The following ST3GAL1 variants were observed in gnomAD, a reference collection of about 807,000 sequenced individuals.
ST3GAL1 encodes ST3 beta-galactoside alpha-2,3-sialyltransferase 1.
In ST3GAL1, 16 loss-of-function variants were observed where a neutral mutation model predicts 34.1. That is an observed-to-expected ratio of 0.47 (90% confidence interval 0.32 to 0.71). The LOEUF (loss-of-function observed/expected upper bound fraction) is 0.71, where lower values mean the gene tolerates loss of function less well. ST3GAL1 is among the 30% of genes least tolerant of loss of function. The pLI, the probability that ST3GAL1 is intolerant of heterozygous loss-of-function variation, is 0.04. For synonymous variants in ST3GAL1, 191 were observed against 184.7 expected, an observed-to-expected ratio of 1.03 and a Z score of -0.28; for missense variants, 353 against 447.4, an observed-to-expected ratio of 0.79 and a Z score of 1.90.
At chr8:133,502,047 T>C (rs1374388036) in intron 2 of ST3GAL1, among the ~76,000 whole-genome samples, 2 of 152,172 alleles carry the variant, frequency 1.3e-5, no homozygotes, top group Non-Finnish European at 2.9e-5. Flanking sequence ...AGCATCCATT[T>C]CCTGGTCACC....
chr8:133,475,609 T>G (rs1036967624), intron 5 of ST3GAL1, 110 bp downstream of exon 5: 36 of 1,316,938 alleles, frequency 2.7e-5, no homozygotes, highest in Non-Finnish European at 3.4e-5. Context: ...GACTCCCACT[T>G]TCAGCCCAGG....
intron 2 of ST3GAL1, among the ~76,000 whole-genome samples, chr8:133,501,608 G>A (rs1011081076): frequency 6.6e-6 from 1 of 152,118 alleles, no homozygotes; most frequent in Non-Finnish European, 1.5e-5. Flanking sequence ...AATGAGCCAG[G>A]TGTGGTGGCA....
intron 9 of ST3GAL1, among the ~76,000 whole-genome samples, chr8:133,460,994 C>T (rs1259461204): frequency 6.6e-6 from 1 of 152,088 alleles, no homozygotes; most frequent in African/African-American, 2.4e-5. Context: ...AACGTTAGGG[C>T]CAAATCGGTG....
Position 133,467,440 on chromosome 8 carries a change from G to A in ST3GAL1, c.307-1350C>T, listed in dbSNP as rs1277031478. Among the ~76,000 whole-genome samples the A allele has an allele frequency of 6.6e-6, 1 of 152,216 alleles. No individual in the cohort carries two copies. The highest frequency in any genetic ancestry group is 1.5e-5 in the Non-Finnish European group (1 of 68,044). ...GACCTTGTCCCCATGCCACAGTGCT[G>A]TGTCATTTCACTGTGGGTGAGGTAG... On this transcript the variant is annotated intron_variant, in intron 5 of 9. Coordinates refer to ENST00000522652, the MANE Select transcript of ST3GAL1 (RefSeq NM_173344.3). The surrounding 1 kb of genome is among the most constrained non-coding windows in gnomAD (Gnocchi z 4.2).
At chr8:133,475,683 T>C in intron 5 of ST3GAL1, 36 bp downstream of exon 5, 3 of 1,531,170 alleles carry the variant, frequency 2.0e-6, no homozygotes, top group Non-Finnish European at 2.6e-6. Context: ...ACACCCCAAC[T>C]CTCAGCCCAG....
chr8:133,463,572 C>A, intron 7 of ST3GAL1, 113 bp from the exon 8 acceptor site: 1 of 1,173,648 alleles, frequency 8.5e-7, no homozygotes, highest in Non-Finnish European at 1.2e-6. Flanking sequence ...GCCTCTCCTG[C>A]CCCCCATAGC....
intron 2 of ST3GAL1, among the ~76,000 whole-genome samples, chr8:133,507,176 G>A (rs962790123): frequency 6.6e-6 from 1 of 152,202 alleles, no homozygotes; most frequent in African/African-American, 2.4e-5. Context: ...GGTGACAGTA[G>A]GGAAGAGAAA....
At chr8:133,477,235 A>G (rs1399501156) in intron 3 of ST3GAL1, among the ~76,000 whole-genome samples, 1 of 152,214 alleles carries the variant, frequency 6.6e-6, no homozygotes, top group East Asian at 1.9e-4. Flanking sequence ...AGATAAAATG[A>G]TGTATGCTGG....
rs191319489 is a variant in ST3GAL1, at chr8:133,540,116, T to C, written c.-429+5658A>G. 1.3e-3 allele frequency among the ~76,000 whole-genome samples: 197 copies of C among 152,228 alleles called. 4 individuals are homozygous for C. The highest frequency in any genetic ancestry group is 0.011 in the Admixed American group (174 of 15,298). ...CTTCATTTCACTCACGCCACTTGGA[T>C]CCATCCTCAAAATCACCCTCTACAC... On this transcript the variant is annotated intron_variant, in intron 2 of 9. Coordinates refer to ENST00000522652, the MANE Select transcript of ST3GAL1 (RefSeq NM_173344.3).
Position 133,508,061 on chromosome 8 carries a change from G to A in ST3GAL1, c.-428-8872C>T, listed in dbSNP as rs748198927. Among the ~76,000 whole-genome samples the A allele has an allele frequency of 1.3e-5, 2 of 152,094 alleles. No individual in the cohort carries two copies. The highest frequency in any genetic ancestry group is 4.8e-5 in the African/African-American group (2 of 41,418). On this transcript the variant is annotated intron_variant, in intron 2 of 9. Transcript: ENST00000522652. The surrounding 1 kb of genome is among the most constrained non-coding windows in gnomAD (Gnocchi z 4.1). ...CCACAGACAATGACAGAGGGACATG[G>A]GGTTACACAGGGTTGGCCTCCTTTA...
chr8:133,482,455 G>A (rs1345788446), intron 3 of ST3GAL1, among the ~76,000 whole-genome samples: 1 of 152,214 alleles, frequency 6.6e-6, no homozygotes, highest in East Asian at 1.9e-4. Flanking sequence ...CCAGCCAAGT[G>A]CACAGATGGT....
At chr8:133,566,542 G>T (rs746531437) in intron 1 of ST3GAL1, among the ~76,000 whole-genome samples, 1 of 152,030 alleles carries the variant, frequency 6.6e-6, no homozygotes, top group Admixed American at 6.5e-5. Flanking sequence ...CGCATTGCAG[G>T]GGGTGATCAC....
chr8:133,517,949 CTG>C (rs1817693676), intron 2 of ST3GAL1, among the ~76,000 whole-genome samples: 1 of 152,226 alleles, frequency 6.6e-6, no homozygotes, highest in Admixed American at 6.5e-5. Context: ...TCTCACAGAG[CTG>C]AGTGGCAGCC....
Position 133,571,463 on chromosome 8 carries a change from C to T in ST3GAL1, c.-582+230G>A, listed in dbSNP as rs1238167634. On this transcript the variant is annotated intron_variant, in intron 1 of 9. Coordinates refer to ENST00000522652, the MANE Select transcript of ST3GAL1 (RefSeq NM_173344.3). The surrounding 1 kb of genome is among the most constrained non-coding windows in gnomAD (Gnocchi z 6.7). Reference sequence around the variant, plus strand: ...CTCTCCCAAAGCCCTGGGTGGTCGCCGCTGCCAAGGAAGGGGTCTCCCTTC... The same window carrying T: ...CTCTCCCAAAGCCCTGGGTGGTCGCTGCTGCCAAGGAAGGGGTCTCCCTTC... Among the ~76,000 whole-genome samples, 1 of 152,126 alleles carries T rather than the reference C, an allele frequency of 6.6e-6. No individual in the cohort carries two copies. The highest frequency in any genetic ancestry group is 6.5e-5 in the Admixed American group (1 of 15,284).
chr8:133,550,575 C>T (rs1451595105), intron 1 of ST3GAL1, among the ~76,000 whole-genome samples: 8 of 152,180 alleles, frequency 5.3e-5, no homozygotes, highest in Admixed American at 4.6e-4. Context: ...CCTGTTCCAG[C>T]CCATTCATCC....
In ST3GAL1 at chr8:133,547,078, G is replaced by A. The variant is rs115069397; in HGVS notation, c.-581-1152C>T. On this transcript the variant is annotated intron_variant, in intron 1 of 9. Coordinates refer to ENST00000522652, the MANE Select transcript of ST3GAL1 (RefSeq NM_173344.3). Reference sequence around the variant, plus strand: ...CCCTCAACTCTTAACCACTGCTGTCGAAATGGCCCCAATTTGTTCAGGCCA... The same window carrying A: ...CCCTCAACTCTTAACCACTGCTGTCAAAATGGCCCCAATTTGTTCAGGCCA... Among the ~76,000 whole-genome samples the A allele has an allele frequency of 3.2e-3, 487 of 151,842 alleles. 5 individuals carry two copies. Among genetic ancestry groups the A allele is most frequent in the African/African-American group, 0.01 (433 of 41,434 alleles).
In ST3GAL1 at chr8:133,461,810, C is replaced by T; in HGVS notation, c.849+65G>A. 1 of 1,599,144 alleles carries T rather than the reference C, an allele frequency of 6.3e-7. No homozygotes were observed. The highest frequency in any genetic ancestry group is 8.5e-7 in the Non-Finnish European group (1 of 1,169,850). On this transcript the variant is annotated intron_variant, in intron 9 of 9. Coordinates refer to ENST00000522652, the MANE Select transcript of ST3GAL1 (RefSeq NM_173344.3). The surrounding 1 kb of genome is among the most constrained non-coding windows in gnomAD (Gnocchi z 4.7). ...TCTACCTGCCCTCCCCCTCCCTGGC[C>T]TCTCTTGGGAACACAGGACGGTGAG...
intron 2 of ST3GAL1, among the ~76,000 whole-genome samples, chr8:133,533,910 C>T (rs766785747): frequency 9.8e-5 from 15 of 152,298 alleles, no homozygotes; most frequent in Non-Finnish European, 1.8e-4. Context: ...TAAGCAGCAA[C>T]AGGGAGAGAT....
chr8:133,516,996 A>G (rs2131020665), intron 2 of ST3GAL1, among the ~76,000 whole-genome samples: 1 of 152,340 alleles, frequency 6.6e-6, no homozygotes. Flanking sequence ...TACACAAACC[A>G]CTTTCTCTGA....
Sources: gnomAD v4.1 joint callset for allele counts (sites outside exome capture counted in the v4.1 genomes callset) on GRCh38, gnomAD v4.1.1 for gene constraint, Gnocchi (gnomAD v3.1) non-coding constraint, MANE v1.5 for transcripts, NCBI Gene and HGNC (gene_info 2026-07-23, HGNC 2026-07-21) for gene names.